The following ODF2 variants were observed in gnomAD, a reference collection of about 807,000 sequenced individuals.
ODF2 encodes outer dense fiber protein 2.
ODF2 carries 47 observed loss-of-function variants against 110.2 expected under a neutral mutation model. The ratio of observed to expected loss-of-function variants is 0.43; its 90% CI spans 0.34 to 0.54. The LOEUF (loss-of-function observed/expected upper bound fraction) is 0.54. Among genes scored for constraint, ODF2 ranks in the 20% least tolerant of loss-of-function variants. ODF2 has a pLI of 0.03. For missense variants in ODF2, 812 were observed against 1,054.5 expected (o/e 0.77, Z 3.19); for synonymous variants, 352 against 397.7 (o/e 0.89, Z 1.37).
intron 4 of ODF2, among the ~76,000 whole-genome samples, chr9:128,462,581 G>A (rs1373691332): frequency 6.6e-6 from 1 of 151,936 alleles, no homozygotes; most frequent in African/African-American, 2.4e-5. Flanking sequence ...CATCATAGAA[G>A]AGTACAGGGA....
At position 128,494,710 on chromosome 9, in the gene ODF2, A is replaced by G; in HGVS notation, c.1911+42A>G. On this transcript the variant is annotated intron_variant, in intron 17 of 20. Transcript: ENST00000604420. This position sits in a 1 kb window ranked among gnomAD's most constrained non-coding sequence, Gnocchi z 4.6. ...AAGGGTCCCACGAACTGACCCGAGCAGGGGCCCGCATACCAAGATGAGCTG... is the reference window on the plus strand; with the variant it reads ...AAGGGTCCCACGAACTGACCCGAGCGGGGGCCCGCATACCAAGATGAGCTG... 6.2e-7 allele frequency: 1 copy of G among 1,614,164 alleles called. No individual in the cohort carries two copies. The highest frequency in any genetic ancestry group is 8.5e-7 in the Non-Finnish European group (1 of 1,180,034).
At position 128,460,637 on chromosome 9, in the gene ODF2, C is replaced by T. The variant is rs143618966; in HGVS notation, c.124-305C>T. On this transcript the variant is annotated intron_variant, in intron 3 of 20. Coordinates refer to ENST00000604420, the Ensembl canonical transcript of ODF2. The stretch of plus-strand genomic sequence containing the variant: ...CCCTGTCCACGTCCACATAAAAAAA[C>T]TCCCGAAACCATCAGCGACCAGCAG... 262 of 1,614,156 alleles carry T rather than the reference C, an allele frequency of 1.6e-4. 3 individuals are homozygous for T. The East Asian group carries it at 5.7e-3, about 35-fold the overall frequency.
Position 128,487,719 on chromosome 9 carries a change from G to A in ODF2, c.1401-171G>A, listed in dbSNP as rs4617262. ...GGAGAATGGCATGAACACGGGAGGC[G>A]GAGCTTGCAGTGAGCCAAGATCGCG... On this transcript the variant is annotated intron_variant, in intron 13 of 20. Transcript: ENST00000604420. Among the ~76,000 whole-genome samples the A allele has an allele frequency of 9.5e-3, 1,448 of 151,780 alleles. 31 individuals carry two copies. The highest frequency in any genetic ancestry group is 0.072 in the East Asian group (370 of 5,122).
chr9:128,485,557 A>C lies in ODF2; in HGVS notation c.1400+83A>C. On this transcript the variant is annotated intron_variant, in intron 13 of 20. Transcript: ENST00000604420. This position sits in a 1 kb window ranked among gnomAD's most constrained non-coding sequence, Gnocchi z 5.0. ...TGGGAGGGGCCTAGTGGCTCAGGGA[A>C]GGCCACGTGGCTGCTGTTTGTACTC... 1 of 733,274 alleles carries C rather than the reference A, an allele frequency of 1.4e-6. No homozygotes were observed. The allele number at this position is 733,274 out of a possible 1,614,324, so 45.4% of individuals were successfully genotyped here. A position where few individuals can be genotyped will look rare whatever the true frequency, so the allele number is the denominator to read the frequency against.
At chr9:128,497,195 A>G (rs943986788) in intron 18 of ODF2, among the ~76,000 whole-genome samples, 3 of 151,284 alleles carry the variant, frequency 2.0e-5, no homozygotes, top group Non-Finnish European at 4.4e-5. Context: ...CTTGGGGAGG[A>G]GTTAAGTGAC....
intron 18 of ODF2, 177 bp downstream of exon 18, chr9:128,496,318 C>G (rs1845551281): frequency 2.0e-6 from 3 of 1,475,034 alleles, no homozygotes; most frequent in African/African-American, 2.8e-5. Flanking sequence ...TGGGAGAGAG[C>G]AAGGGGGCCT....
At chr9:128,455,634 AC>A (rs1487858031), upstream of ODF2, among the ~76,000 whole-genome samples, 4 of 142,230 alleles carry the variant, frequency 2.8e-5, no homozygotes, top group Admixed American at 7.5e-5. Flanking sequence ...GGGAATGCCG[AC>A]CCTTTCTCCT....
At chr9:128,459,042 G>T (rs1289178981) in intron 2 of ODF2, among the ~76,000 whole-genome samples, 1 of 152,004 alleles carries the variant, frequency 6.6e-6, no homozygotes, top group Non-Finnish European at 1.5e-5. Flanking sequence ...ATGGGGTCTT[G>T]CCATGTTGCC....
chr9:128,455,920 G>T, upstream of ODF2: 1 of 1,376,652 alleles, frequency 7.3e-7, no homozygotes, highest in East Asian at 2.8e-5. Context: ...GGCCTTGAAT[G>T]GGGGGCGAGA....
At position 128,497,436 on chromosome 9, in the gene ODF2, AAAAAAAAAAAATATATATAT is replaced by A. The variant is rs1278280051; in HGVS notation, c.2013-975_2013-956del. 4.5e-4 allele frequency: 44 copies of A among 97,566 alleles called. 3 individuals carry two copies. Among genetic ancestry groups the A allele is most frequent in the African/African-American group, 1.8e-3 (38 of 21,054 alleles). 6.0% of individuals were successfully genotyped at this position (97,566 alleles called of 1,614,324 possible). ...TCCCGTCTCTACTAAAAAAAAAAAAAAAAAAAAAAAATATATATATATATATATATATATATATATATATA... is the reference window on the plus strand; with the variant it reads ...TCCCGTCTCTACTAAAAAAAAAAAAAATATATATATATATATATATATATA... On this transcript the variant is annotated intron_variant, in intron 18 of 20. Coordinates refer to ENST00000604420, the Ensembl canonical transcript of ODF2.
At chr9:128,474,002 C>A (rs376874034) in intron 8 of ODF2, among the ~76,000 whole-genome samples, 1 of 152,054 alleles carries the variant, frequency 6.6e-6, no homozygotes, top group African/African-American at 2.4e-5. Context: ...AGGGGTTCAG[C>A]CCAGGGCATA....
chr9:128,467,002 AAAAAAAAAAAAAATATATATATAT>A (rs1838195885), intron 4 of ODF2, among the ~76,000 whole-genome samples: 1 of 66,972 alleles, frequency 1.5e-5, no homozygotes, highest in African/African-American at 7.3e-5. Flanking sequence ...AAAAAAAAAA[AAAAAAAAAAAAAATATATATATAT>A]ATATATATAT....
intron 3 of ODF2, chr9:128,460,321 T>C: frequency 1.4e-6 from 2 of 1,423,054 alleles, no homozygotes; most frequent in Non-Finnish European, 1.9e-6. Context: ...AGACCCTCTC[T>C]TGAGTGGACC....
In ODF2 at chr9:128,492,421, TC is replaced by T. The variant is rs749223250; in HGVS notation, c.1537-3del. Reference sequence around the variant, plus strand: ...TGTGGGTTACTCATGAGCCATCCCTTCCAGGCCAGCTTTGCTCCAATGGAGG... The same window carrying T: ...TGTGGGTTACTCATGAGCCATCCCTTCAGGCCAGCTTTGCTCCAATGGAGG... On this transcript the variant is annotated splice_region_variant and splice_polypyrimidine_tract_variant and intron_variant, in intron 14 of 20. Transcript: ENST00000604420. 2 of 1,610,508 alleles carry T rather than the reference TC, an allele frequency of 1.2e-6. No homozygotes were observed. Among genetic ancestry groups the T allele is most frequent in the East Asian group, 4.5e-5 (2 of 44,834 alleles).
chr9:128,487,738 G>T (rs1433938894), intron 13 of ODF2, 152 bp from the exon 14 acceptor site: 2 of 818,714 alleles, frequency 2.4e-6, no homozygotes, highest in African/African-American at 3.4e-5. Flanking sequence ...AGTGAGCCAA[G>T]ATCGCGCCAC....
chr9:128,475,685 G>A (rs1456216257), intron 8 of ODF2, among the ~76,000 whole-genome samples: 1 of 151,214 alleles, frequency 6.6e-6, no homozygotes, highest in East Asian at 1.9e-4. Flanking sequence ...TTGCTCTGTC[G>A]CCCAGGTTGG....
chr9:128,492,307 T>C, intron 14 of ODF2, 119 bp from the exon 15 acceptor site: 1 of 704,930 alleles, frequency 1.4e-6, no homozygotes, highest in Non-Finnish European at 2.6e-6. Flanking sequence ...TCAGGGAAAG[T>C]GCTCTGTGGG....
intron 6 of ODF2, among the ~76,000 whole-genome samples, chr9:128,472,656 G>C (rs1840318309): frequency 6.6e-6 from 1 of 152,180 alleles, no homozygotes; most frequent in Non-Finnish European, 1.5e-5. Context: ...AGATGACAAT[G>C]GTGGCTGTTT....
chr9:128,480,845 T>G (rs1222351038), intron 8 of ODF2, among the ~76,000 whole-genome samples: 2 of 135,346 alleles, frequency 1.5e-5, no homozygotes, highest in Admixed American at 7.6e-5. Flanking sequence ...TAAAAAAAAT[T>G]AACACATAAA....
Sources: allele counts gnomAD v4.1 joint callset (sites outside exome capture counted in the v4.1 genomes callset), GRCh38; gene constraint gnomAD v4.1.1; non-coding constraint Gnocchi (gnomAD v3.1); transcripts MANE v1.5; gene names NCBI Gene and HGNC (gene_info 2026-07-23, HGNC 2026-07-21).